Variants in RAPGEF6 observed in about 807,000 individuals in gnomAD.
RAPGEF6 encodes the protein Rap guanine nucleotide exchange factor 6, also known as PDZ domain containing guanine nucleotide exchange factor (GEF) 2.
RAPGEF6 carries 56 observed loss-of-function variants against 171.4 expected under a neutral mutation model. The ratio of observed to expected loss-of-function variants is 0.33; its 90% CI spans 0.26 to 0.41. The LOEUF is 0.41. Among genes scored for constraint, RAPGEF6 ranks in the 10% least tolerant of loss-of-function variants. The pLI is 1.00. For synonymous variants in RAPGEF6, 692 were observed against 650.1 expected, an observed-to-expected ratio of 1.06 and a Z score of -0.98; for missense variants, 1,674 against 1,921.4, an observed-to-expected ratio of 0.87 and a Z score of 2.41.
intron 5 of RAPGEF6, among the ~76,000 whole-genome samples, chr5:131,551,667 G>A (rs1284755389): frequency 6.6e-6 from 1 of 152,056 alleles, no homozygotes; most frequent in Non-Finnish European, 1.5e-5. Context: ...TGATTCTTAG[G>A]TCTTTTACTA....
intron 26 of RAPGEF6, 35 bp downstream of exon 26, chr5:131,430,824 C>T (rs1473476194): frequency 1.3e-6 from 2 of 1,580,700 alleles, no homozygotes; most frequent in South Asian, 2.4e-5. Context: ...ACTACTTAAT[C>T]TCTAAATGCC....
chr5:131,583,445 T>C lies in RAPGEF6; in HGVS notation c.281+8938A>G, dbSNP rs145042304. Among the ~76,000 whole-genome samples, 275 of 152,350 alleles carry C rather than the reference T, an allele frequency of 1.8e-3. 1 individual carries two copies. The highest frequency in any genetic ancestry group is 6.3e-3 in the African/African-American group (264 of 41,584). ...CACACCTGCAGACCAACAATGTCAC[T>C]GAACAGGTCATTTTATTGTAACTGA... is the stretch of plus-strand genomic sequence containing the variant. On this transcript the variant is annotated intron_variant, in intron 4 of 27. Coordinates refer to ENST00000509018, the MANE Select transcript of RAPGEF6 (RefSeq NM_016340.6).
chr5:131,608,443 A>T (rs992371742), intron 1 of RAPGEF6, among the ~76,000 whole-genome samples: 2 of 152,182 alleles, frequency 1.3e-5, no homozygotes, highest in African/African-American at 4.8e-5. Flanking sequence ...TTGACAGGCT[A>T]TGTTGAAGTC....
chr5:131,445,493 C>CTGTGTGGGTGTGTGTG (rs1554070852), intron 22 of RAPGEF6, among the ~76,000 whole-genome samples: 1 of 147,224 alleles, frequency 6.8e-6, no homozygotes, highest in Non-Finnish European at 1.5e-5. Context: ...AACTCACTCT[C>CTGTGTGGGTGTGTGTG]TGTGTGTGTG....
At chr5:131,559,598 G>T (rs1271068811) in intron 5 of RAPGEF6, among the ~76,000 whole-genome samples, 2 of 152,086 alleles carry the variant, frequency 1.3e-5, no homozygotes, top group African/African-American at 4.8e-5. Context: ...TGAGGTGGGA[G>T]GATTGTTTGA....
chr5:131,562,167 C>A, intron 4 of RAPGEF6, 120 bp from the exon 5 acceptor site: 1 of 629,698 alleles, frequency 1.6e-6, no homozygotes. Flanking sequence ...AATTCTGATC[C>A]TGTCACAATA....
intron 5 of RAPGEF6, among the ~76,000 whole-genome samples, chr5:131,553,819 G>A (rs1403610623): frequency 6.6e-6 from 1 of 151,686 alleles, no homozygotes; most frequent in African/African-American, 2.4e-5. Flanking sequence ...TAAAAAGGGA[G>A]TTAGTAAACT....
intron 15 of RAPGEF6, among the ~76,000 whole-genome samples, chr5:131,481,070 C>A (rs1755446174): frequency 6.6e-6 from 1 of 151,960 alleles, no homozygotes; most frequent in Non-Finnish European, 1.5e-5. Context: ...GGATTACAGA[C>A]ATGCATCACC....
chr5:131,537,987 G>T lies in RAPGEF6; in HGVS notation c.495+10060C>A, dbSNP rs530453356. ...ATGTGCCTATAATCCCAGCTACTCA[G>T]GAGGCTGAGGTGAGAGGATCCCTTG... On this transcript the variant is annotated intron_variant, in intron 6 of 27. Coordinates refer to ENST00000509018, the MANE Select transcript of RAPGEF6 (RefSeq NM_016340.6). Among the ~76,000 whole-genome samples, 8 of 152,262 alleles carry T rather than the reference G, an allele frequency of 5.3e-5. No homozygotes were observed. In the East Asian group the frequency reaches 1.5e-3, roughly 29 times the overall value.
chr5:131,504,231 A>G (rs765737978), intron 11 of RAPGEF6, among the ~76,000 whole-genome samples: 3 of 152,168 alleles, frequency 2.0e-5, no homozygotes, highest in Admixed American at 6.6e-5. Context: ...TGGGAGGCCG[A>G]GGTGGGAGGA....
At chr5:131,581,090 T>C (rs755403669) in intron 4 of RAPGEF6, among the ~76,000 whole-genome samples, 22 of 152,332 alleles carry the variant, frequency 1.4e-4, no homozygotes, top group Non-Finnish European at 2.2e-4. Context: ...TCTGCTAGCA[T>C]TACAGACATA....
intron 19 of RAPGEF6, among the ~76,000 whole-genome samples, chr5:131,460,497 T>C (rs1259064651): frequency 6.6e-6 from 1 of 152,230 alleles, no homozygotes; most frequent in Admixed American, 6.5e-5. Context: ...AATTCTTTAC[T>C]TGATGCTTCC....
intron 25 of RAPGEF6, among the ~76,000 whole-genome samples, chr5:131,432,573 G>A (rs1287975071): frequency 5.3e-5 from 8 of 151,970 alleles, no homozygotes; most frequent in South Asian, 2.1e-4. Flanking sequence ...AGCCGAGATC[G>A]CGCCAGTGCA....
chr5:131,553,682 G>C (rs1490180570), intron 5 of RAPGEF6, among the ~76,000 whole-genome samples: 1 of 152,032 alleles, frequency 6.6e-6, no homozygotes, highest in African/African-American at 2.4e-5. Context: ...CATGCTCATT[G>C]GCAGACTCAA....
In RAPGEF6 at chr5:131,461,708, A is replaced by C. The variant is rs77008028; in HGVS notation, c.2861T>G (p.Ile954Arg). ...CKNFNSMFAI[I>R]SGLNLASVAR... is the part of the protein sequence containing the mutation. ...GTACCTATTTGTACCAACTTACCTT[A>C]TTATTGCAAACATGGAATTGAAGTT... Residue 954 changes from isoleucine (I) to arginine (R), a missense_variant, in exon 19 of 28, where the codon ATA becomes AGA. Transcript: ENST00000509018. 1 of 1,594,664 alleles carries C rather than the reference A, an allele frequency of 6.3e-7. No individual in the cohort carries two copies. The highest frequency in any genetic ancestry group is 8.6e-7 in the Non-Finnish European group (1 of 1,166,080).
chr5:131,458,325 C>G (rs1356681690), intron 19 of RAPGEF6, among the ~76,000 whole-genome samples: 2 of 152,170 alleles, frequency 1.3e-5, no homozygotes, highest in Non-Finnish European at 2.9e-5. Context: ...CACTTCCCCC[C>G]TCACTCTCTC....
At chr5:131,579,925 T>A (rs1207673584) in intron 4 of RAPGEF6, among the ~76,000 whole-genome samples, 2 of 152,086 alleles carry the variant, frequency 1.3e-5, no homozygotes, top group Non-Finnish European at 2.9e-5. Context: ...TAGCTAGACA[T>A]AAAAGTTCTC....
chr5:131,498,712 G>T, intron 11 of RAPGEF6, 105 bp from the exon 12 acceptor site: 1 of 1,064,134 alleles, frequency 9.4e-7, no homozygotes, highest in Non-Finnish European at 1.4e-6. Flanking sequence ...TAGACAAATC[G>T]TCAAAGTACA....
chr5:131,525,142 T>A (rs1379940512), intron 6 of RAPGEF6, among the ~76,000 whole-genome samples: 1 of 151,938 alleles, frequency 6.6e-6, no homozygotes, highest in Non-Finnish European at 1.5e-5. Context: ...ACAGAACAAG[T>A]AAAGATATAA....
Sources: allele counts gnomAD v4.1 joint callset (sites outside exome capture counted in the v4.1 genomes callset), GRCh38; gene constraint gnomAD v4.1.1; transcripts MANE v1.5; gene names NCBI Gene and HGNC (gene_info 2026-07-23, HGNC 2026-07-21).